FLT1: variants seen among roughly 807,000 people sequenced by gnomAD.
The protein encoded by FLT1 is vascular endothelial growth factor receptor 1.
A neutral mutation model predicts 156.3 loss-of-function variants in FLT1; 49 were observed. The observed-to-expected ratio is 0.31, with a 90% CI of 0.25 to 0.40. The LOEUF (loss-of-function observed/expected upper bound fraction) is 0.40, where lower values mean the gene tolerates loss of function less well. Ranked by LOEUF, FLT1 falls within the 10% of genes least tolerant of loss-of-function variation. The pLI is 1.00. For synonymous variants in FLT1, 594 were observed against 583.8 expected (o/e 1.02, Z -0.25); for missense variants, 1,322 against 1,637.2 (o/e 0.81, Z 3.32).
chr13:28,384,668 G>T (rs1037252993), intron 14 of FLT1, among the ~76,000 whole-genome samples: 2 of 152,054 alleles, frequency 1.3e-5, no homozygotes, highest in Non-Finnish European at 2.9e-5. Context: ...AATAGATTCT[G>T]CAGGATCTTT....
Position 28,311,476 on chromosome 13 carries a change from T to TTCTTTCTTTCTC in FLT1, c.3635+102_3635+113dup, listed in dbSNP as rs527781557. On this transcript the variant is annotated intron_variant, in intron 27 of 29. Transcript: ENST00000282397. ...AATCTTTCTTTCTTTCTTTCTCTCT[T>TTCTTTCTTTCTC]TCTTTCTTTCTCTCTTTCTTTCTCT... 3.2e-5 allele frequency: 29 copies of TTCTTTCTTTCTC among 913,948 alleles called. No homozygotes were observed. In the East Asian group the frequency reaches 6.8e-4, roughly 21 times the overall value. The allele number at this position is 913,948 out of a possible 1,614,324, so 56.6% of individuals were successfully genotyped here.
chr13:28,341,431 C>T (rs925232782), intron 16 of FLT1, among the ~76,000 whole-genome samples: 8 of 152,182 alleles, frequency 5.3e-5, no homozygotes, highest in African/African-American at 1.9e-4. Context: ...CACCCACACA[C>T]ATAACTGTGG....
Position 28,424,489 on chromosome 13 carries a change from G to A in FLT1, c.1436+2670C>T, listed in dbSNP as rs143207595. On this transcript the variant is annotated intron_variant, in intron 10 of 29. Transcript: ENST00000282397. ...GGGTGACATTTTCAGTTGAACTATC[G>A]GTAGTTATAATAACTTAACATATTT... Among the ~76,000 whole-genome samples, 890 of 151,834 alleles carry A rather than the reference G, an allele frequency of 5.9e-3. 14 individuals are homozygous for A. The highest frequency in any genetic ancestry group is 0.02 in the African/African-American group (846 of 41,398).
chr13:28,484,366 C>T (rs1881026875), intron 1 of FLT1, among the ~76,000 whole-genome samples: 1 of 152,178 alleles, frequency 6.6e-6, no homozygotes. Flanking sequence ...ATGAGCTTTT[C>T]TAGAATAAAG....
chr13:28,390,841 G>A (rs1478485427), intron 12 of FLT1, among the ~76,000 whole-genome samples: 2 of 152,176 alleles, frequency 1.3e-5, no homozygotes, highest in East Asian at 1.9e-4. Context: ...AATAGTTTGC[G>A]AACAAGTGAG....
intron 12 of FLT1, among the ~76,000 whole-genome samples, chr13:28,395,877 T>C (rs1170863909): frequency 6.6e-6 from 1 of 152,268 alleles, no homozygotes; most frequent in Non-Finnish European, 1.5e-5. Context: ...AGTTATTGAA[T>C]GTTCAGAACA....
chr13:28,308,768 T>C, intron 28 of FLT1, 75 bp downstream of exon 28: 1 of 886,964 alleles, frequency 1.1e-6, no homozygotes, highest in Non-Finnish European at 1.9e-6. Flanking sequence ...ACTACATTAC[T>C]GGCGTTGGTG....
At chr13:28,348,419 C>T (rs367836018) in intron 15 of FLT1, among the ~76,000 whole-genome samples, 11 of 152,194 alleles carry the variant, frequency 7.2e-5, no homozygotes, top group African/African-American at 2.4e-4. Flanking sequence ...GCTTCAGTCA[C>T]GCCACAGTTC....
rs1391106238 is a variant in FLT1, at chr13:28,494,762, C to T, written c.64+18G>A. 7 of 1,545,254 alleles carry T rather than the reference C, an allele frequency of 4.5e-6. No individual in the cohort carries two copies. The Admixed American group carries it at 5.7e-5, about 13-fold the overall frequency. ...CATCGCAGCCCGCCTCAGGCCCCGG[C>T]CCCCAGCCGCGCCTCACCTGTGAGA... On this transcript the variant is annotated intron_variant, in intron 1 of 29. Coordinates refer to ENST00000282397, the MANE Select transcript of FLT1 (RefSeq NM_002019.4).
chr13:28,348,524 C>T (rs1217275208), intron 15 of FLT1, among the ~76,000 whole-genome samples: 1 of 152,116 alleles, frequency 6.6e-6, no homozygotes, highest in Non-Finnish European at 1.5e-5. Context: ...TGACTGAGTC[C>T]ATAACTTATT....
chr13:28,363,473 T>A (rs896007198), intron 14 of FLT1, among the ~76,000 whole-genome samples: 1 of 152,220 alleles, frequency 6.6e-6, no homozygotes, highest in African/African-American at 2.4e-5. Flanking sequence ...CACATGCATG[T>A]TTTTGTACTT....
chr13:28,331,418 T>C (rs1211220965), intron 18 of FLT1, among the ~76,000 whole-genome samples: 6 of 152,224 alleles, frequency 3.9e-5, no homozygotes, highest in Admixed American at 3.9e-4. Context: ...TTTTGACTTA[T>C]GGCCTTTGTT....
chr13:28,321,325 C>T, intron 23 of FLT1, 138 bp downstream of exon 23: 1 of 1,054,944 alleles, frequency 9.5e-7, no homozygotes. Context: ...GGATGCCGCT[C>T]ATCTGGACTG....
chr13:28,386,491 T>C (rs1260576002), intron 13 of FLT1: 2 of 1,048,660 alleles, frequency 1.9e-6, no homozygotes, highest in Non-Finnish European at 2.3e-6. Context: ...GGAAGTGCTC[T>C]GATGTACAAA....
At chr13:28,414,178 C>T (rs1365239117) in intron 10 of FLT1, among the ~76,000 whole-genome samples, 1 of 152,208 alleles carries the variant, frequency 6.6e-6, no homozygotes, top group African/African-American at 2.4e-5. Context: ...AATCATTTCT[C>T]TTGGATCTCA....
In FLT1 at chr13:28,357,570, T is replaced by C; in HGVS notation, c.2232A>G (p.Ala744=). The change falls in exon 15 of 30, where the codon GCA becomes GCG. Residue 744 remains alanine, a synonymous_variant. Transcript: ENST00000282397. ...TNQKGSVESS[A]YLTVQGTSDK... Reference sequence around the variant, plus strand: ...GCTGTTTACCTTGAACAGTGAGGTATGCTGAACTTTCCACAGAGCCCTTCT... The same window carrying C: ...GCTGTTTACCTTGAACAGTGAGGTACGCTGAACTTTCCACAGAGCCCTTCT... 2.5e-6 allele frequency: 4 copies of C among 1,614,184 alleles called. No homozygotes were observed. Among genetic ancestry groups the C allele is most frequent in the Admixed American group, 1.7e-5 (1 of 60,028 alleles).
At position 28,494,878 on chromosome 13, in the gene FLT1, G is replaced by C. The variant is rs2137684473; in HGVS notation, c.-35C>G. The C allele has an allele frequency of 2.0e-6, 3 of 1,501,540 alleles. No homozygotes were observed. The highest frequency in any genetic ancestry group is 2.7e-5 in the East Asian group (1 of 36,502). The allele number at this position is 1,501,540 out of a possible 1,614,324, so 93.0% of individuals were successfully genotyped here. A position where few individuals can be genotyped will look rare whatever the true frequency, so the allele number is the denominator to read the frequency against. ...GACGCGGCCTGCTCGCCCGGTGCCC[G>C]CGCTCCCCGCGGCCAACGACCCGGC... is the stretch of plus-strand genomic sequence containing the variant. On this transcript the variant is annotated 5_prime_UTR_variant, in exon 1 of 30. Coordinates refer to ENST00000282397, the MANE Select transcript of FLT1 (RefSeq NM_002019.4).
At chr13:28,369,761 A>G (rs1873469892) in intron 14 of FLT1, among the ~76,000 whole-genome samples, 3 of 152,224 alleles carry the variant, frequency 2.0e-5, no homozygotes, top group Admixed American at 1.3e-4. Context: ...CTGGAAGAGA[A>G]TATGAGAATG....
At chr13:28,348,818 G>A (rs1377167687) in intron 15 of FLT1, among the ~76,000 whole-genome samples, 4 of 152,114 alleles carry the variant, frequency 2.6e-5, no homozygotes, top group African/African-American at 9.7e-5. Context: ...CTGAGGCAGG[G>A]GAATTGCTTG....
Sources: gnomAD v4.1 joint callset for allele counts (sites outside exome capture counted in the v4.1 genomes callset) on GRCh38, gnomAD v4.1.1 for gene constraint, MANE v1.5 for transcripts, NCBI Gene and HGNC (gene_info 2026-07-23, HGNC 2026-07-21) for gene names.